Variants in NALCN observed in about 807,000 individuals in gnomAD.
NALCN encodes sodium leak channel NALCN.
Under a neutral mutation model 225.3 loss-of-function variants are expected in NALCN, and 111 were observed. The observed-to-expected ratio is 0.49, with a 90% CI of 0.42 to 0.58. NALCN has a LOEUF of 0.58. NALCN is among the 20% of genes least tolerant of loss of function. The pLI, the probability that NALCN is intolerant of heterozygous loss-of-function variation, is 0.00. For synonymous variants in NALCN, 764 were observed against 769.0 expected (o/e 0.99, Z 0.11); for missense variants, 1,378 against 2,202.4 (o/e 0.63, Z 7.49).
At chr13:101,079,191 AC>A (rs2033459039) in intron 34 of NALCN, among the ~76,000 whole-genome samples, 1 of 152,202 alleles carries the variant, frequency 6.6e-6, no homozygotes, top group Non-Finnish European at 1.5e-5. Context: ...AGGGACTAAT[AC>A]AAATTTTATC....
intron 19 of NALCN, among the ~76,000 whole-genome samples, 195 bp from the exon 20 acceptor site, chr13:101,110,883 T>C (rs970628325): frequency 3.9e-5 from 6 of 152,214 alleles, no homozygotes; most frequent in African/African-American, 1.4e-4. Flanking sequence ...AATTTTTCCT[T>C]CTGATCTTAA....
intron 11 of NALCN, among the ~76,000 whole-genome samples, chr13:101,248,510 T>G (rs972651332): frequency 6.6e-6 from 1 of 152,182 alleles, no homozygotes; most frequent in Non-Finnish European, 1.5e-5. Context: ...AGATCATTCA[T>G]GAGCACTGGC....
At chr13:101,220,213 T>TC (rs1397362141) in intron 13 of NALCN, among the ~76,000 whole-genome samples, 2 of 152,340 alleles carry the variant, frequency 1.3e-5, no homozygotes, top group East Asian at 3.9e-4. Flanking sequence ...ATGTGATTTT[T>TC]CTTGCAGAAA....
intron 11 of NALCN, among the ~76,000 whole-genome samples, chr13:101,244,579 C>T (rs1282141793): frequency 6.6e-6 from 1 of 152,172 alleles, no homozygotes; most frequent in Non-Finnish European, 1.5e-5. Flanking sequence ...CAAGCCAACA[C>T]TCTAGCTCTC....
intron 15 of NALCN, among the ~76,000 whole-genome samples, chr13:101,161,403 C>T (rs1225039377): frequency 1.3e-5 from 2 of 152,196 alleles, no homozygotes; most frequent in African/African-American, 2.4e-5. Context: ...ACATTTCATT[C>T]ATGCAACTGT....
intron 40 of NALCN, among the ~76,000 whole-genome samples, chr13:101,064,686 G>C (rs979950742): frequency 3.3e-5 from 5 of 152,142 alleles, no homozygotes; most frequent in Admixed American, 1.3e-4. Context: ...CCAGGGGAGA[G>C]GCTAGGCTAG....
intron 7 of NALCN, among the ~76,000 whole-genome samples, chr13:101,334,925 T>C (rs1489391223): frequency 6.6e-6 from 1 of 152,178 alleles, no homozygotes; most frequent in Admixed American, 6.6e-5. Flanking sequence ...GAATTATATA[T>C]GGCAGAATTT....
intron 11 of NALCN, among the ~76,000 whole-genome samples, chr13:101,257,267 A>C (rs1269229984): frequency 6.9e-6 from 1 of 143,984 alleles, no homozygotes; most frequent in Non-Finnish European, 1.5e-5. Context: ...GCCATTGGGC[A>C]AATGTTGCAT....
intron 9 of NALCN, among the ~76,000 whole-genome samples, chr13:101,291,129 TTGCTATGGAAC>T (rs2043537405): frequency 1.3e-5 from 2 of 152,188 alleles, no homozygotes; most frequent in African/African-American, 2.4e-5. Flanking sequence ...GGAAACAATA[TTGCTATGGAAC>T]TTATGGGAAT....
chr13:101,135,438 G>A (rs1430499930), intron 17 of NALCN, among the ~76,000 whole-genome samples: 2 of 152,096 alleles, frequency 1.3e-5, no homozygotes, highest in Non-Finnish European at 2.9e-5. Flanking sequence ...TCGCTGTATC[G>A]CCCAAGCTGG....
chr13:101,176,635 T>C (rs1443532627), intron 14 of NALCN, among the ~76,000 whole-genome samples: 3 of 152,212 alleles, frequency 2.0e-5, no homozygotes, highest in African/African-American at 7.2e-5. Context: ...AAAAAGGTTT[T>C]TTTGAACTCA....
At chr13:101,221,240 T>C (rs192151708) in intron 13 of NALCN, among the ~76,000 whole-genome samples, 3 of 152,004 alleles carry the variant, frequency 2.0e-5, no homozygotes. Flanking sequence ...TGCCTCAGCC[T>C]CCTGAGTAGC....
At chr13:101,299,650 C>G (rs2043880814) in intron 7 of NALCN, among the ~76,000 whole-genome samples, 1 of 152,124 alleles carries the variant, frequency 6.6e-6, no homozygotes. Context: ...GCAGCAGCCA[C>G]CAGATTAAGA....
At chr13:101,063,357 T>TTATC in intron 40 of NALCN, among the ~76,000 whole-genome samples, 1 of 152,320 alleles carries the variant, frequency 6.6e-6, no homozygotes, top group Non-Finnish European at 1.5e-5. Context: ...TTCATTGCTT[T>TTATC]TATCTTCACT....
chr13:101,145,296 T>A (rs760074847), intron 15 of NALCN, among the ~76,000 whole-genome samples: 97 of 152,152 alleles, frequency 6.4e-4, no homozygotes, highest in Non-Finnish European at 7.9e-4. Context: ...ATGAAAAATT[T>A]AAAAAAAATT....
At chr13:101,416,158 A>C (rs1199814678) in intron 1 of NALCN, among the ~76,000 whole-genome samples, 155 bp downstream of exon 1, 3 of 132,912 alleles carry the variant, frequency 2.3e-5, no homozygotes, top group African/African-American at 8.3e-5. Context: ...CCCCGCCCGC[A>C]GCCCCTCTAG....
At position 101,395,334 on chromosome 13, in the gene NALCN, A is replaced by G; in HGVS notation, c.140T>C (p.Ile47Thr). The G allele has an allele frequency of 6.2e-7, 1 of 1,614,048 alleles. No individual in the cohort carries two copies. The highest frequency in any genetic ancestry group is 8.5e-7 in the Non-Finnish European group (1 of 1,179,926). ...CATACAAACAGAAATGACGCTGATG[A>G]TGGCACAGATGCGCAGCAAAGAGTG... ...WVHSLLRICAIISVISVCMNT... is the reference protein window; with the variant it reads ...WVHSLLRICATISVISVCMNT... Residue 47 changes from isoleucine to threonine, a missense_variant, in exon 3 of 44, where the codon ATC becomes ACC. Physicochemically the swap from Ile to Thr is moderately conservative, Grantham distance 89. Transcript: ENST00000251127.
rs577824041 is a variant in NALCN, at chr13:101,160,155, C to T, written c.1840-15259G>A. Among the ~76,000 whole-genome samples, 85 of 152,162 alleles carry T rather than the reference C, an allele frequency of 5.6e-4. 1 individual carries two copies. The highest frequency in any genetic ancestry group is 2.7e-3 in the Admixed American group (41 of 15,278). ...ATTTTTAGTAGAGACAGGGTTTCAC[C>T]ATGTTAGCCAGGATGGTCTCGATCT... On this transcript the variant is annotated intron_variant, in intron 15 of 43. Transcript: ENST00000251127.
intron 13 of NALCN, among the ~76,000 whole-genome samples, chr13:101,194,860 C>T (rs1478513099): frequency 6.6e-6 from 1 of 152,026 alleles, no homozygotes; most frequent in African/African-American, 2.4e-5. Context: ...AAAAATTAGC[C>T]AGTTGTGGTG....
Sources: gnomAD v4.1 joint callset for allele counts (sites outside exome capture counted in the v4.1 genomes callset) on GRCh38, gnomAD v4.1.1 for gene constraint, MANE v1.5 for transcripts, NCBI Gene and HGNC (gene_info 2026-07-23, HGNC 2026-07-21) for gene names.